Variants in DLG2 observed in about 807,000 individuals in gnomAD.
DLG2 encodes disks large homolog 2.
Under a neutral mutation model 132.5 loss-of-function variants are expected in DLG2, and 45 were observed. The ratio of observed to expected loss-of-function variants is 0.34; its 90% CI spans 0.27 to 0.44. DLG2 has a LOEUF of 0.44. DLG2 is among the 20% of genes least tolerant of loss of function. The pLI, the probability that DLG2 is intolerant of heterozygous loss-of-function variation, is 1.00. For synonymous variants in DLG2, 424 were observed against 419.6 expected, an observed-to-expected ratio of 1.01 and a Z score of -0.13; for missense variants, 1,045 against 1,196.9, an observed-to-expected ratio of 0.87 and a Z score of 1.87.
chr11:85,299,362 C>A (rs932716656), intron 3 of DLG2, among the ~76,000 whole-genome samples: 8 of 152,084 alleles, frequency 5.3e-5, no homozygotes, highest in Non-Finnish European at 1.0e-4. Context: ...GTTAGATTTT[C>A]TTTGTTTTGC....
intron 6 of DLG2, among the ~76,000 whole-genome samples, chr11:84,992,414 A>T (rs1297341884): frequency 6.6e-6 from 1 of 152,208 alleles, no homozygotes; most frequent in Non-Finnish European, 1.5e-5. Flanking sequence ...TAAATATATC[A>T]GTAAAATAAG....
chr11:84,287,765 C>CAA (rs976372072), intron 7 of DLG2, among the ~76,000 whole-genome samples: 4 of 151,310 alleles, frequency 2.6e-5, no homozygotes, highest in Non-Finnish European at 5.9e-5. Flanking sequence ...CACACACACA[C>CAA]ACACACACAC....
chr11:83,459,651 C>T lies in DLG2; in HGVS notation c.*167G>A, dbSNP rs1341412373. ...TTTTCTGTCCCACCCTTTGGCCCCT[C>T]TGTTTCCTTCATGGCTTCATACAGT... is the stretch of plus-strand genomic sequence containing the variant. On this transcript the variant is annotated 3_prime_UTR_variant, in exon 28 of 28. Transcript: ENST00000376104. 1 of 545,158 alleles carries T rather than the reference C, an allele frequency of 1.8e-6. No individual in the cohort carries two copies. The highest frequency in any genetic ancestry group is 3.3e-6 in the Non-Finnish European group (1 of 304,780). The allele number at this position is 545,158 out of a possible 1,614,324, so 33.8% of individuals were successfully genotyped here. A position where few individuals can be genotyped will look rare whatever the true frequency, so the allele number is the denominator to read the frequency against.
At chr11:83,845,499 A>G (rs1021694695) in intron 16 of DLG2, among the ~76,000 whole-genome samples, 1 of 152,234 alleles carries the variant, frequency 6.6e-6, no homozygotes, top group Admixed American at 6.5e-5. Context: ...TGGGCATCAT[A>G]CAGATACACA....
At chr11:84,799,520 T>A (rs910694812) in intron 6 of DLG2, among the ~76,000 whole-genome samples, 9 of 152,230 alleles carry the variant, frequency 5.9e-5, no homozygotes, top group African/African-American at 1.9e-4. Flanking sequence ...TGAAGGTGCA[T>A]TTTTGTATGT....
Position 84,507,635 on chromosome 11 carries a change from G to T in DLG2, c.519+26935C>A, listed in dbSNP as rs144629556. ...TCATATATGAACCTTATTATTTTGA[G>T]TTATATTCCTTTGATGCCTAGTCCG... On this transcript the variant is annotated intron_variant, in intron 7 of 27. Transcript: ENST00000376104. Among the ~76,000 whole-genome samples, 27 of 152,292 alleles carry T rather than the reference G, an allele frequency of 1.8e-4. No homozygotes were observed. The East Asian group carries it at 5.2e-3, about 29-fold the overall frequency.
chr11:83,976,919 C>T (rs943092907), intron 12 of DLG2, among the ~76,000 whole-genome samples: 13 of 151,730 alleles, frequency 8.6e-5, no homozygotes, highest in African/African-American at 3.1e-4. Flanking sequence ...TATATTTCCA[C>T]CTCCCCCTTT....
At chr11:84,242,349 T>TTTTTTG (rs111359899) in intron 8 of DLG2, among the ~76,000 whole-genome samples, 4 of 152,146 alleles carry the variant, frequency 2.6e-5, no homozygotes, top group African/African-American at 9.7e-5. Flanking sequence ...CTGTTGGTTT[T>TTTTTTG]TTTTTGTTTT....
chr11:85,090,110 CA>C (rs987829792), intron 6 of DLG2, among the ~76,000 whole-genome samples: 1 of 152,134 alleles, frequency 6.6e-6, no homozygotes, highest in African/African-American at 2.4e-5. Context: ...ATTAGGCACA[CA>C]TGTATATAAG....
chr11:84,661,405 C>T (rs2099694327), intron 6 of DLG2, among the ~76,000 whole-genome samples: 1 of 152,140 alleles, frequency 6.6e-6, no homozygotes, highest in Non-Finnish European at 1.5e-5. Context: ...ATCGTGGGGA[C>T]CCATTTTATC....
chr11:84,921,125 A>G (rs1309215756), intron 6 of DLG2, among the ~76,000 whole-genome samples: 1 of 152,164 alleles, frequency 6.6e-6, no homozygotes, highest in Non-Finnish European at 1.5e-5. Context: ...AAATAGATAA[A>G]AATATTAGAT....
intron 9 of DLG2, among the ~76,000 whole-genome samples, chr11:84,137,150 A>G (rs1187968622): frequency 6.6e-6 from 1 of 152,114 alleles, no homozygotes; most frequent in Admixed American, 6.6e-5. Context: ...CAGCCAGAAA[A>G]TTCTGTGGTG....
chr11:83,670,689 T>C (rs2076690892), intron 18 of DLG2, among the ~76,000 whole-genome samples: 1 of 152,070 alleles, frequency 6.6e-6, no homozygotes, highest in Non-Finnish European at 1.5e-5. Flanking sequence ...ATCATGAATG[T>C]TTTAATAAAT....
intron 18 of DLG2, among the ~76,000 whole-genome samples, chr11:83,705,302 T>A (rs949265271): frequency 6.6e-6 from 1 of 152,224 alleles, no homozygotes; most frequent in African/African-American, 2.4e-5. Flanking sequence ...TTTGTTATTA[T>A]CAAGTAAACT....
chr11:84,784,402 T>C (rs906723874), intron 6 of DLG2, among the ~76,000 whole-genome samples: 6 of 150,756 alleles, frequency 4.0e-5, no homozygotes, highest in South Asian at 2.1e-4. Flanking sequence ...AATAAGAACA[T>C]TGTCCGTGGA....
chr11:84,053,455 C>T (rs958084708), intron 11 of DLG2, among the ~76,000 whole-genome samples: 7 of 151,888 alleles, frequency 4.6e-5, no homozygotes, highest in African/African-American at 1.7e-4. Flanking sequence ...AAAAAAAGAA[C>T]CTCTCATAGT....
chr11:85,599,905 T>C, intron 2 of DLG2, among the ~76,000 whole-genome samples: 1 of 152,238 alleles, frequency 6.6e-6, no homozygotes, highest in Non-Finnish European at 1.5e-5. Flanking sequence ...GTTTAGGTGA[T>C]AATTGTCTTT....
At chr11:84,983,129 A>C (rs1023500840) in intron 6 of DLG2, among the ~76,000 whole-genome samples, 10 of 152,182 alleles carry the variant, frequency 6.6e-5, no homozygotes, top group Non-Finnish European at 7.3e-5. Context: ...GGATGGACAG[A>C]GCAGTGTGTG....
intron 15 of DLG2, among the ~76,000 whole-genome samples, chr11:83,889,347 C>T (rs1349147741): frequency 5.9e-5 from 9 of 152,004 alleles, no homozygotes; most frequent in African/African-American, 1.7e-4. Context: ...CCAAAAAACA[C>T]ATGAAAAAAT....
Sources: allele counts gnomAD v4.1 joint callset (sites outside exome capture counted in the v4.1 genomes callset), GRCh38; gene constraint gnomAD v4.1.1; transcripts MANE v1.5; gene names NCBI Gene and HGNC (gene_info 2026-07-23, HGNC 2026-07-21).